The following HIP1 variants were observed in gnomAD, a reference collection of about 807,000 sequenced individuals.
HIP1 encodes the protein huntingtin-interacting protein 1.
Under a neutral mutation model 147.6 loss-of-function variants are expected in HIP1, and 65 were observed. The observed-to-expected ratio is 0.44, with a 90% CI of 0.36 to 0.54. The LOEUF (loss-of-function observed/expected upper bound fraction) is 0.54, where lower values mean the gene tolerates loss of function less well. HIP1 is among the 20% of genes least tolerant of loss of function. The pLI is 0.00. For synonymous variants in HIP1, 479 were observed against 504.0 expected (o/e 0.95, Z 0.67); for missense variants, 1,061 against 1,299.6 (o/e 0.82, Z 2.82).
intron 1 of HIP1, among the ~76,000 whole-genome samples, chr7:75,663,982 GTGTATATATATACACA>G (rs1799410098): frequency 8.5e-5 from 1 of 11,792 alleles, no homozygotes; most frequent in East Asian, 3.2e-3. Flanking sequence ...ACACATATAT[GTGTATATATATACACA>G]TATATGTGTA....
In HIP1 at chr7:75,663,995, CACATATATGTGT is replaced by C. The variant is rs1799415973; in HGVS notation, c.121-64760_121-64749del. On this transcript the variant is annotated intron_variant, in intron 1 of 30. Coordinates refer to ENST00000336926, the MANE Select transcript of HIP1 (RefSeq NM_005338.7). ...ATACACATATATGTGTATATATATA[CACATATATGTGT>C]ATATATATACACATATATGTGTATA... is the stretch of plus-strand genomic sequence containing the variant. 2.4e-4 allele frequency among the ~76,000 whole-genome samples: 6 copies of C among 24,712 alleles called. 2 individuals carry two copies. The highest frequency in any genetic ancestry group is 4.1e-4 in the Non-Finnish European group (6 of 14,532). The allele number at this position is 24,712 out of a possible 152,430, so 16.2% of individuals were successfully genotyped here. A position where few individuals can be genotyped will look rare whatever the true frequency, so the allele number is the denominator to read the frequency against.
At chr7:75,720,373 C>T (rs1801462807) in intron 1 of HIP1, among the ~76,000 whole-genome samples, 1 of 152,002 alleles carries the variant, frequency 6.6e-6, no homozygotes, top group Non-Finnish European at 1.5e-5. Context: ...GTTGGTAAGG[C>T]TGGTCTCAAA....
intron 14 of HIP1, among the ~76,000 whole-genome samples, chr7:75,559,223 T>G (rs964036023): frequency 1.3e-5 from 2 of 152,128 alleles, no homozygotes; most frequent in African/African-American, 2.4e-5. Flanking sequence ...CAAGCGATCC[T>G]CCTGTCTCAG....
chr7:75,647,902 C>A (rs1000911736), intron 1 of HIP1, among the ~76,000 whole-genome samples: 3 of 152,228 alleles, frequency 2.0e-5, no homozygotes, highest in African/African-American at 4.8e-5. Flanking sequence ...TGGTGTGAAC[C>A]AGGTGAGTTC....
chr7:75,566,317 CG>C (rs1554495465), intron 9 of HIP1, among the ~76,000 whole-genome samples: 1 of 151,510 alleles, frequency 6.6e-6, no homozygotes, highest in African/African-American at 2.5e-5. Flanking sequence ...CCACTGCACC[CG>C]GCTGGTGTTA....
At position 75,543,998 on chromosome 7, in the gene HIP1, C is replaced by G. The variant is rs587716926; in HGVS notation, c.2766+697G>C. Among the ~76,000 whole-genome samples the G allele has an allele frequency of 2.6e-5, 4 of 152,204 alleles. No homozygotes were observed. In the South Asian group the frequency reaches 8.3e-4, roughly 32 times the overall value. Reference sequence around the variant, plus strand: ...CCATCCTGGCTAACGCGGTGAAACCCCGTCTCCACTAAAAATACAAAAAAT... The same window carrying G: ...CCATCCTGGCTAACGCGGTGAAACCGCGTCTCCACTAAAAATACAAAAAAT... On this transcript the variant is annotated intron_variant, in intron 27 of 30. Transcript: ENST00000336926.
chr7:75,637,218 C>A (rs781946705), intron 1 of HIP1, among the ~76,000 whole-genome samples: 12 of 152,260 alleles, frequency 7.9e-5, no homozygotes, highest in South Asian at 2.1e-4. Context: ...TGTTCTTTAC[C>A]CAGCACTTGC....
chr7:75,574,972 A>G (rs1554497428), intron 7 of HIP1, among the ~76,000 whole-genome samples: 1 of 151,208 alleles, frequency 6.6e-6, no homozygotes, highest in Non-Finnish European at 1.5e-5. Flanking sequence ...AGCCTGAGCA[A>G]CATGGCAAAA....
chr7:75,680,370 C>G (rs1052262037), intron 1 of HIP1, among the ~76,000 whole-genome samples: 5 of 152,088 alleles, frequency 3.3e-5, no homozygotes, highest in Admixed American at 2.0e-4. Context: ...ATATCTCCAC[C>G]CATTTCTCTC....
At chr7:75,736,049 AGTG>A (rs1554523595) in intron 1 of HIP1, among the ~76,000 whole-genome samples, 1 of 151,738 alleles carries the variant, frequency 6.6e-6, no homozygotes, top group Non-Finnish European at 1.5e-5. Context: ...GGGAAAACAC[AGTG>A]AGACCTCCGT....
intron 22 of HIP1, among the ~76,000 whole-genome samples, chr7:75,550,393 G>A (rs1386587521): frequency 3.3e-5 from 5 of 152,140 alleles, no homozygotes; most frequent in East Asian, 1.9e-4. Context: ...ATTCAAGAGC[G>A]TGGTTGTTGT....
At chr7:75,581,412 AAC>A (rs1796039862) in intron 6 of HIP1, 114 bp from the exon 7 acceptor site, 16 of 724,734 alleles carry the variant, frequency 2.2e-5, no homozygotes, top group Non-Finnish European at 2.4e-5. Context: ...TGCATGCGCA[AAC>A]ACACACACAA....
At chr7:75,692,690 G>A (rs914928392) in intron 1 of HIP1, among the ~76,000 whole-genome samples, 2 of 151,104 alleles carry the variant, frequency 1.3e-5, no homozygotes, top group African/African-American at 2.4e-5. Flanking sequence ...TTGGCCTCCC[G>A]AAGTGCTGGG....
At chr7:75,582,013 G>A (rs1796072599) in intron 6 of HIP1, 62 bp downstream of exon 6, 1 of 1,353,014 alleles carries the variant, frequency 7.4e-7, no homozygotes, top group East Asian at 2.3e-5. Context: ...TGACCCTTAT[G>A]AGAAGTGTCA....
intron 1 of HIP1, among the ~76,000 whole-genome samples, chr7:75,666,800 T>TA (rs1799574274): frequency 2.6e-5 from 4 of 152,088 alleles, no homozygotes; most frequent in Admixed American, 2.6e-4. Flanking sequence ...ACTAAGGTGC[T>TA]AAAAGGTTAA....
intron 1 of HIP1, among the ~76,000 whole-genome samples, chr7:75,721,684 G>T (rs929752901): frequency 6.6e-6 from 1 of 152,212 alleles, no homozygotes; most frequent in Admixed American, 6.5e-5. Flanking sequence ...ACAGAAGATG[G>T]TAAGTGGGCA....
intron 24 of HIP1, 114 bp downstream of exon 24, chr7:75,547,641 T>G: frequency 1.2e-6 from 1 of 825,666 alleles, no homozygotes; most frequent in Non-Finnish European, 2.1e-6. Flanking sequence ...ACTCAGCCCT[T>G]CCCCGTGGCT....
intron 1 of HIP1, among the ~76,000 whole-genome samples, chr7:75,599,838 C>CTTT (rs11322113): frequency 8.2e-6 from 1 of 122,404 alleles, no homozygotes; most frequent in Non-Finnish European, 1.6e-5. Flanking sequence ...AAATCGTTAA[C>CTTT]TTTTTTTTTT....
At chr7:75,578,681 AAAC>A (rs1795929417) in intron 7 of HIP1, among the ~76,000 whole-genome samples, 1 of 152,346 alleles carries the variant, frequency 6.6e-6, no homozygotes, top group East Asian at 1.9e-4. Context: ...ATCTCAAAAG[AAAC>A]AACAACAAAA....
Sources: gnomAD v4.1 joint callset for allele counts (sites outside exome capture counted in the v4.1 genomes callset) on GRCh38, gnomAD v4.1.1 for gene constraint, MANE v1.5 for transcripts, NCBI Gene and HGNC (gene_info 2026-07-23, HGNC 2026-07-21) for gene names.